Variants in SNTG1 observed in about 807,000 individuals in gnomAD.
SNTG1 encodes gamma-1-syntrophin.
A neutral mutation model predicts 74.7 loss-of-function variants in SNTG1; 39 were observed. The observed-to-expected ratio is 0.52, with a 90% confidence interval of 0.40 to 0.68. The LOEUF is 0.68. Among genes scored for constraint, SNTG1 ranks in the 30% least tolerant of loss-of-function variants. The pLI is 0.00. For synonymous variants in SNTG1, 254 were observed against 217.1 expected (o/e 1.17, Z -1.49); for missense variants, 685 against 609.5 (o/e 1.12, Z -1.30).
intron 1 of SNTG1, among the ~76,000 whole-genome samples, chr8:50,159,716 T>C (rs75770167): frequency 0.017 from 2,570 of 152,294 alleles, 66 homozygotes; most frequent in African/African-American, 0.053. Context: ...AGTATTTGAC[T>C]CTCTCAGCAA....
At chr8:50,690,566 G>C (rs527315056) in intron 15 of SNTG1, among the ~76,000 whole-genome samples, 1 of 152,286 alleles carries the variant, frequency 6.6e-6, no homozygotes, top group Admixed American at 6.5e-5. Context: ...TTTTGAGTGA[G>C]TTTCTTAATC....
intron 9 of SNTG1, among the ~76,000 whole-genome samples, chr8:50,508,649 T>A (rs1044649594): frequency 3.9e-5 from 6 of 152,252 alleles, no homozygotes; most frequent in African/African-American, 1.4e-4. Context: ...GTGGTTTTGA[T>A]TTGCATTTCT....
At chr8:50,511,688 T>C (rs1318786687) in intron 9 of SNTG1, among the ~76,000 whole-genome samples, 1 of 152,208 alleles carries the variant, frequency 6.6e-6, no homozygotes, top group Non-Finnish European at 1.5e-5. Flanking sequence ...TTTGTCTCTT[T>C]TCATCTTTGT....
chr8:50,783,169 G>T (rs1379551842), intron 18 of SNTG1, among the ~76,000 whole-genome samples: 1 of 152,222 alleles, frequency 6.6e-6, no homozygotes, highest in South Asian at 2.1e-4. Flanking sequence ...TGAGGAGGCA[G>T]TCTGCCCATT....
chr8:50,414,672 T>C (rs771907024), intron 4 of SNTG1, among the ~76,000 whole-genome samples: 17 of 152,108 alleles, frequency 1.1e-4, no homozygotes, highest in Non-Finnish European at 2.4e-4. Flanking sequence ...TATTGTGTGT[T>C]GTCTTGGAAA....
intron 15 of SNTG1, among the ~76,000 whole-genome samples, chr8:50,673,274 G>A (rs2095293786): frequency 6.6e-6 from 1 of 152,102 alleles, no homozygotes; most frequent in Non-Finnish European, 1.5e-5. Context: ...GGGCATTGTG[G>A]CCATTTTCAT....
chr8:50,725,725 AGACCTGAAG>A (rs2095498528), intron 17 of SNTG1, among the ~76,000 whole-genome samples: 1 of 152,212 alleles, frequency 6.6e-6, no homozygotes, highest in Non-Finnish European at 1.5e-5. Context: ...CCCCTGCAAT[AGACCTGAAG>A]AAACAAGCTG....
intron 2 of SNTG1, among the ~76,000 whole-genome samples, chr8:50,357,255 G>C (rs893107247): frequency 1.3e-5 from 2 of 152,206 alleles, no homozygotes; most frequent in Non-Finnish European, 2.9e-5. Flanking sequence ...CTCTCAGAGG[G>C]CAGCAGTCCA....
chr8:50,493,161 G>A (rs570132432), intron 8 of SNTG1, among the ~76,000 whole-genome samples: 55 of 152,210 alleles, frequency 3.6e-4, no homozygotes, highest in Non-Finnish European at 7.1e-4. Context: ...AAATACAAAC[G>A]GGGATTTTGG....
chr8:50,227,001 A>G (rs2085361130), intron 2 of SNTG1, among the ~76,000 whole-genome samples: 1 of 152,254 alleles, frequency 6.6e-6, no homozygotes, highest in Non-Finnish European at 1.5e-5. Flanking sequence ...TGATTTCAGC[A>G]CTAATGGGTA....
intron 1 of SNTG1, among the ~76,000 whole-genome samples, chr8:50,104,933 T>C (rs1252043422): frequency 6.6e-6 from 1 of 152,136 alleles, no homozygotes; most frequent in African/African-American, 2.4e-5. Context: ...AGATTATGCA[T>C]ATTAGACTGT....
chr8:50,776,843 A>T (rs1434831004), intron 18 of SNTG1, among the ~76,000 whole-genome samples: 1 of 151,768 alleles, frequency 6.6e-6, no homozygotes, highest in Non-Finnish European at 1.5e-5. Context: ...CTGAAGCACT[A>T]TTTTGCTGGA....
chr8:50,046,504 A>G (rs1157805569), intron 1 of SNTG1, among the ~76,000 whole-genome samples: 2 of 152,230 alleles, frequency 1.3e-5, no homozygotes, highest in Admixed American at 1.3e-4. Flanking sequence ...ATCATTCATC[A>G]AATGGTAAGT....
At chr8:50,138,635 A>AATAATG (rs2081557982) in intron 1 of SNTG1, among the ~76,000 whole-genome samples, 1 of 81,770 alleles carries the variant, frequency 1.2e-5, no homozygotes, top group African/African-American at 4.6e-5. Context: ...CAACAATAAT[A>AATAATG]ATAATAATAA....
chr8:50,787,801 A>G (rs749776644), intron 18 of SNTG1, among the ~76,000 whole-genome samples: 1 of 152,066 alleles, frequency 6.6e-6, no homozygotes, highest in African/African-American at 2.4e-5. Flanking sequence ...AAGCAAACCC[A>G]TAGAAAGACA....
At chr8:50,776,144 TTC>T (rs1052467620) in intron 18 of SNTG1, among the ~76,000 whole-genome samples, 4 of 150,972 alleles carry the variant, frequency 2.6e-5, no homozygotes, top group African/African-American at 7.3e-5. Context: ...TTGAATTTTG[TTC>T]TCTCTCTTTT....
intron 18 of SNTG1, among the ~76,000 whole-genome samples, chr8:50,781,278 T>C (rs1483296921): frequency 6.6e-6 from 1 of 152,158 alleles, no homozygotes. Context: ...TCTGTCTCAT[T>C]GATCTGTCTA....
At chr8:50,339,259 A>G (rs1457699706) in intron 2 of SNTG1, among the ~76,000 whole-genome samples, 3 of 152,116 alleles carry the variant, frequency 2.0e-5, no homozygotes, top group Admixed American at 1.3e-4. Context: ...AAAATTGGGG[A>G]ACATATTTTC....
At chr8:50,469,359 C>A (rs990896646) in intron 8 of SNTG1, among the ~76,000 whole-genome samples, 6 of 152,108 alleles carry the variant, frequency 3.9e-5, no homozygotes, top group East Asian at 1.9e-4. Context: ...CAGGACTGCA[C>A]TCCCTATTCC....
Sources: gnomAD v4.1 joint callset for allele counts (sites outside exome capture counted in the v4.1 genomes callset) on GRCh38, gnomAD v4.1.1 for gene constraint, MANE v1.5 for transcripts, NCBI Gene and HGNC (gene_info 2026-07-23, HGNC 2026-07-21) for gene names.